The following ARL15 variants were observed in gnomAD, a reference collection of about 807,000 sequenced individuals.
ARL15 encodes the protein ADP-ribosylation factor-like protein 15.
ARL15 carries 19 observed loss-of-function variants against 25.2 expected under a neutral mutation model. That is an observed-to-expected ratio of 0.75 (90% confidence interval 0.53 to 1.10). The LOEUF is 1.10. Among genes scored for constraint, ARL15 ranks in the 50% least tolerant of loss-of-function variants. The pLI is 0.00. For synonymous variants in ARL15, 94 were observed against 86.8 expected, an observed-to-expected ratio of 1.08 and a Z score of -0.46; for missense variants, 220 against 246.0, an observed-to-expected ratio of 0.89 and a Z score of 0.71.
chr5:54,200,698 A>T (rs1341206076), intron 1 of ARL15, among the ~76,000 whole-genome samples: 1 of 152,176 alleles, frequency 6.6e-6, no homozygotes, highest in Non-Finnish European at 1.5e-5. Context: ...TCATGGTATG[A>T]CTGAGAGAAA....
At chr5:54,307,732 C>T (rs999500044) in intron 1 of ARL15, among the ~76,000 whole-genome samples, 6 of 152,166 alleles carry the variant, frequency 3.9e-5, no homozygotes, top group South Asian at 2.1e-4. Flanking sequence ...GGTTAAGTGA[C>T]GACATCCAGC....
At chr5:53,950,407 T>C (rs1250024059) in intron 4 of ARL15, among the ~76,000 whole-genome samples, 3 of 152,336 alleles carry the variant, frequency 2.0e-5, no homozygotes, top group Non-Finnish European at 1.5e-5. Flanking sequence ...TTTGAATTTC[T>C]GTTAACAGTA....
intron 4 of ARL15, among the ~76,000 whole-genome samples, chr5:54,035,744 TAC>T (rs1423356376): frequency 6.6e-6 from 1 of 152,218 alleles, no homozygotes; most frequent in Non-Finnish European, 1.5e-5. Context: ...CTATTTCCGA[TAC>T]ATTTTTTGTT....
At chr5:54,011,057 G>A (rs1749227196) in intron 4 of ARL15, among the ~76,000 whole-genome samples, 1 of 151,852 alleles carries the variant, frequency 6.6e-6, no homozygotes, top group African/African-American at 2.4e-5. Context: ...CCTTAGTGAA[G>A]TGATAAAAGG....
intron 1 of ARL15, among the ~76,000 whole-genome samples, chr5:54,209,817 T>A (rs1367896663): frequency 6.6e-6 from 1 of 152,210 alleles, no homozygotes; most frequent in Non-Finnish European, 1.5e-5. Context: ...TGTTTGAAAC[T>A]GACAGCCTTT....
rs10051612 is a variant in ARL15, at chr5:54,265,254, A to G, written c.48+45178T>C. On this transcript the variant is annotated intron_variant, in intron 1 of 4. Transcript: ENST00000504924. ...TCTTAGTACAATTGTTATATTTTAC[A>G]AAATACTCTTTCTGGAATGTAGTGG... Among the ~76,000 whole-genome samples the G allele has an allele frequency of 4.5e-3, 683 of 152,350 alleles. 5 individuals carry two copies. The highest frequency in any genetic ancestry group is 0.016 in the African/African-American group (645 of 41,578).
intron 1 of ARL15, among the ~76,000 whole-genome samples, chr5:54,298,442 C>T (rs77382078): frequency 6.6e-6 from 1 of 152,278 alleles, no homozygotes; most frequent in East Asian, 1.9e-4. Flanking sequence ...CAGTTAAAAC[C>T]GCTACCTGAC....
At chr5:53,915,885 C>T (rs573343272) in intron 4 of ARL15, among the ~76,000 whole-genome samples, 18 of 152,106 alleles carry the variant, frequency 1.2e-4, no homozygotes, top group Non-Finnish European at 2.4e-4. Context: ...TTAAGTGATT[C>T]GCCTCTTGGT....
At chr5:53,953,994 T>C (rs1206101832) in intron 4 of ARL15, among the ~76,000 whole-genome samples, 3 of 152,100 alleles carry the variant, frequency 2.0e-5, no homozygotes, top group Non-Finnish European at 4.4e-5. Flanking sequence ...AATAGCATTC[T>C]ATTTTCAAAA....
At position 54,113,422 on chromosome 5, in the gene ARL15, A is replaced by G. The variant is rs368139884; in HGVS notation, c.254-12T>C. 16 of 1,604,302 alleles carry G rather than the reference A, an allele frequency of 1.0e-5. No homozygotes were observed. In the African/African-American group the frequency reaches 1.3e-4, roughly 14 times the overall value. On this transcript the variant is annotated splice_polypyrimidine_tract_variant and intron_variant, in intron 3 of 4. Coordinates refer to ENST00000504924, the MANE Select transcript of ARL15 (RefSeq NM_019087.3). ...GATGTTATCAGCCCCTGTCAAAAAC[A>G]AAACAAATTTTCGTTTTAAAAAGAG...
At chr5:54,222,086 T>C (rs1561272875) in intron 1 of ARL15, among the ~76,000 whole-genome samples, 1 of 152,172 alleles carries the variant, frequency 6.6e-6, no homozygotes, top group Non-Finnish European at 1.5e-5. Flanking sequence ...GGAGTGGAAA[T>C]ATCAATCCTG....
At chr5:54,012,632 C>T (rs113744632) in intron 4 of ARL15, among the ~76,000 whole-genome samples, 4 of 151,644 alleles carry the variant, frequency 2.6e-5, no homozygotes, top group Middle Eastern at 3.4e-3. Context: ...TCAAGCAATT[C>T]TCCTGCCTCA....
chr5:53,951,537 T>C (rs982076588), intron 4 of ARL15: 1 of 470,924 alleles, frequency 2.1e-6, no homozygotes, highest in Non-Finnish European at 4.4e-6. Flanking sequence ...CTTTGTGTTC[T>C]TTAGATCACA....
intron 4 of ARL15, among the ~76,000 whole-genome samples, chr5:53,916,778 A>C (rs1357088909): frequency 6.6e-6 from 1 of 152,174 alleles, no homozygotes; most frequent in African/African-American, 2.4e-5. Flanking sequence ...CAACACAAGA[A>C]GGCCCAAGGC....
At chr5:53,888,391 C>T (rs2111885558) in intron 4 of ARL15, among the ~76,000 whole-genome samples, 1 of 152,110 alleles carries the variant, frequency 6.6e-6, no homozygotes, top group South Asian at 2.1e-4. Flanking sequence ...GGCGATCCTC[C>T]CACCTTAGCC....
intron 4 of ARL15, among the ~76,000 whole-genome samples, chr5:53,956,930 A>C (rs999382500): frequency 2.6e-5 from 4 of 152,148 alleles, no homozygotes; most frequent in Admixed American, 6.5e-5. Context: ...AAAAGGATGA[A>C]GAAAAATGAT....
At chr5:54,146,205 CA>C (rs146825676) in intron 3 of ARL15, among the ~76,000 whole-genome samples, 7 of 121,488 alleles carry the variant, frequency 5.8e-5, no homozygotes, top group South Asian at 2.5e-4. Context: ...GTTTACTGTA[CA>C]AAAAAAAAAC....
At chr5:54,166,508 T>C (rs1754572305) in intron 2 of ARL15, among the ~76,000 whole-genome samples, 1 of 152,146 alleles carries the variant, frequency 6.6e-6, no homozygotes, top group African/African-American at 2.4e-5. Context: ...GCCTTGCTCA[T>C]GTTCCTTTTG....
rs180873254 is a variant in ARL15 at position 54,179,972 on chromosome 5, C to T, written c.49-8044G>A. Among the ~76,000 whole-genome samples, 10 of 145,108 alleles carry T rather than the reference C, an allele frequency of 6.9e-5. No homozygotes were observed. The South Asian group carries it at 8.7e-4, about 13-fold the overall frequency. Reference sequence around the variant, plus strand: ...GACTGAGGTTGCAGTGAGCTGAGATCGCGCCACTGCTCTCCAGCCTGGGTG... The same window carrying T: ...GACTGAGGTTGCAGTGAGCTGAGATTGCGCCACTGCTCTCCAGCCTGGGTG... On this transcript the variant is annotated intron_variant, in intron 1 of 4. Coordinates refer to ENST00000504924, the MANE Select transcript of ARL15 (RefSeq NM_019087.3).
Sources: gnomAD v4.1 joint callset for allele counts (sites outside exome capture counted in the v4.1 genomes callset) on GRCh38, gnomAD v4.1.1 for gene constraint, MANE v1.5 for transcripts, NCBI Gene and HGNC (gene_info 2026-07-23, HGNC 2026-07-21) for gene names.